CNTN4: variants seen among roughly 807,000 people sequenced by gnomAD.
CNTN4 encodes contactin 4.
In CNTN4, 77 loss-of-function variants were observed where a neutral mutation model predicts 122.5. That is an observed-to-expected ratio of 0.63 (90% CI 0.52 to 0.76). The LOEUF is 0.76. Ranked by LOEUF, CNTN4 falls within the 30% of genes least tolerant of loss-of-function variation. The pLI is 0.00. For synonymous variants in CNTN4, 512 were observed against 447.0 expected, an observed-to-expected ratio of 1.15 and a Z score of -1.83; for missense variants, 1,256 against 1,259.1, an observed-to-expected ratio of 1.00 and a Z score of 0.04.
At chr3:2,161,520 C>T (rs1472202877) in intron 2 of CNTN4, among the ~76,000 whole-genome samples, 1 of 151,920 alleles carries the variant, frequency 6.6e-6, no homozygotes, top group Non-Finnish European at 1.5e-5. Flanking sequence ...ACTGGTGTGT[C>T]AGTGGAGGCA....
chr3:2,613,971 T>C (rs1388522068), intron 4 of CNTN4, among the ~76,000 whole-genome samples: 1 of 152,120 alleles, frequency 6.6e-6, no homozygotes, highest in Non-Finnish European at 1.5e-5. Flanking sequence ...CCCTCGTGGA[T>C]ACAGTAATGA....
intron 4 of CNTN4, among the ~76,000 whole-genome samples, chr3:2,677,251 C>A (rs1309283741): frequency 3.3e-5 from 5 of 149,394 alleles, no homozygotes; most frequent in African/African-American, 1.2e-4. Context: ...ACCTATATAT[C>A]TATACATCTA....
intron 3 of CNTN4, among the ~76,000 whole-genome samples, chr3:2,395,869 T>A (rs1289488452): frequency 6.6e-6 from 1 of 152,102 alleles, no homozygotes; most frequent in African/African-American, 2.4e-5. Context: ...ATAAAAATAA[T>A]CTTTAAGATT....
intron 11 of CNTN4, among the ~76,000 whole-genome samples, chr3:2,902,308 C>G (rs1403049189): frequency 6.6e-6 from 1 of 152,014 alleles, no homozygotes; most frequent in Non-Finnish European, 1.5e-5. Context: ...GATTGGCCGC[C>G]ACCAGATGGT....
intron 3 of CNTN4, among the ~76,000 whole-genome samples, chr3:2,552,390 A>G (rs367890913): frequency 6.6e-6 from 1 of 152,178 alleles, no homozygotes; most frequent in Non-Finnish European, 1.5e-5. Context: ...TACAGATACC[A>G]CCAGAAACAT....
chr3:2,760,973 T>C (rs1022744730), intron 6 of CNTN4, among the ~76,000 whole-genome samples: 3 of 152,188 alleles, frequency 2.0e-5, no homozygotes, highest in African/African-American at 7.2e-5. Context: ...AAGAAATATT[T>C]TTCTCTAGGC....
chr3:3,025,318 ATTAT>A (rs1362750807), intron 14 of CNTN4, among the ~76,000 whole-genome samples: 1 of 152,196 alleles, frequency 6.6e-6, no homozygotes, highest in Non-Finnish European at 1.5e-5. Flanking sequence ...TCATTACAGC[ATTAT>A]TTATTATTTC....
intron 4 of CNTN4, among the ~76,000 whole-genome samples, chr3:2,644,180 G>A (rs1021847016): frequency 1.3e-5 from 2 of 152,174 alleles, no homozygotes; most frequent in African/African-American, 4.8e-5. Flanking sequence ...AGATAAGGAA[G>A]CCCCTACAGG....
chr3:2,871,182 T>C (rs570486975), intron 8 of CNTN4, among the ~76,000 whole-genome samples: 6 of 152,196 alleles, frequency 3.9e-5, no homozygotes, highest in African/African-American at 1.4e-4. Flanking sequence ...TTTAACCTCA[T>C]TGTACTTAGT....
chr3:2,130,775 C>G (rs910126687), intron 2 of CNTN4, among the ~76,000 whole-genome samples: 2 of 152,136 alleles, frequency 1.3e-5, no homozygotes, highest in African/African-American at 4.8e-5. Context: ...TCTATAGTCT[C>G]TTATCTGAAG....
At chr3:3,037,527 C>T (rs1699717759) in intron 18 of CNTN4, 199 bp downstream of exon 18, 3 of 678,652 alleles carry the variant, frequency 4.4e-6, no homozygotes, top group Admixed American at 4.4e-5. Flanking sequence ...GAGTTGTTTT[C>T]TTCATTAGGT....
Position 3,020,057 on chromosome 3 carries a change from G to T in CNTN4, c.1487-6045G>T, listed in dbSNP as rs138631762. 5.6e-4 allele frequency among the ~76,000 whole-genome samples: 85 copies of T among 152,204 alleles called. 1 individual carries two copies. The Middle Eastern group carries it at 0.037, about 67-fold the overall frequency. On this transcript the variant is annotated intron_variant, in intron 14 of 24. Coordinates refer to ENST00000418658, the MANE Select transcript of CNTN4 (RefSeq NM_175607.3). ...AAACACAGATGAAGGGCCAGTGCTTGCATGGTGAGTGCTGAGTTAGCCTTC... is the reference window on the plus strand; with the variant it reads ...AAACACAGATGAAGGGCCAGTGCTTTCATGGTGAGTGCTGAGTTAGCCTTC...
At chr3:2,729,543 C>CAAAA (rs377584644) in intron 4 of CNTN4, among the ~76,000 whole-genome samples, 11 of 69,668 alleles carry the variant, frequency 1.6e-4, no homozygotes, top group East Asian at 4.3e-4. Flanking sequence ...GACTCCATCT[C>CAAAA]AAAAAAAAAA....
At chr3:2,365,276 C>T (rs752927989) in intron 3 of CNTN4, among the ~76,000 whole-genome samples, 1 of 152,116 alleles carries the variant, frequency 6.6e-6, no homozygotes, top group Non-Finnish European at 1.5e-5. Flanking sequence ...TTTAACCTGC[C>T]TGAAACACAG....
intron 3 of CNTN4, among the ~76,000 whole-genome samples, chr3:2,533,220 G>A (rs1401886084): frequency 2.0e-5 from 3 of 151,222 alleles, no homozygotes. Flanking sequence ...TGCCATGTTG[G>A]TGTGCTGCAC....
At chr3:2,404,006 C>T (rs1017872480) in intron 3 of CNTN4, among the ~76,000 whole-genome samples, 27 of 152,156 alleles carry the variant, frequency 1.8e-4, no homozygotes, top group African/African-American at 6.0e-4. Context: ...AATTTCTTCA[C>T]ATCAGACATT....
intron 4 of CNTN4, among the ~76,000 whole-genome samples, chr3:2,623,562 C>G (rs2082071584): frequency 6.6e-6 from 1 of 152,158 alleles, no homozygotes; most frequent in Non-Finnish European, 1.5e-5. Context: ...ATGATGAATG[C>G]TAGTTCCCAA....
At chr3:2,349,031 A>G (rs1235436642) in intron 3 of CNTN4, among the ~76,000 whole-genome samples, 2 of 152,224 alleles carry the variant, frequency 1.3e-5, no homozygotes, top group Non-Finnish European at 2.9e-5. Flanking sequence ...CCTCAGTACT[A>G]TAATATTTGA....
At chr3:2,754,186 T>C (rs1267873358) in intron 6 of CNTN4, among the ~76,000 whole-genome samples, 1 of 152,164 alleles carries the variant, frequency 6.6e-6, no homozygotes, top group Non-Finnish European at 1.5e-5. Flanking sequence ...AATCTTAATA[T>C]CTAATGACTC....
Sources: allele counts gnomAD v4.1 joint callset (sites outside exome capture counted in the v4.1 genomes callset), GRCh38; gene constraint gnomAD v4.1.1; transcripts MANE v1.5; gene names NCBI Gene and HGNC (gene_info 2026-07-23, HGNC 2026-07-21).